WNT7A: variants seen among roughly 807,000 people sequenced by gnomAD.
WNT7A encodes the protein Wnt family member 7A.
A neutral mutation model predicts 28.2 loss-of-function variants in WNT7A; 16 were observed. That is an observed-to-expected ratio of 0.57 (90% confidence interval 0.38 to 0.86). The LOEUF (loss-of-function observed/expected upper bound fraction) is 0.86. WNT7A is among the 40% of genes least tolerant of loss of function. The pLI is 0.00. For missense variants in WNT7A, 411 were observed against 489.7 expected (o/e 0.84, Z 1.52); for synonymous variants, 190 against 195.9 (o/e 0.97, Z 0.25).
intron 2 of WNT7A, among the ~76,000 whole-genome samples, chr3:13,861,447 G>T (rs556585885): frequency 6.6e-6 from 1 of 152,374 alleles, no homozygotes; most frequent in African/African-American, 2.4e-5. Flanking sequence ...CAGATGAGGA[G>T]TTCAGACATG....
intron 3 of WNT7A, among the ~76,000 whole-genome samples, chr3:13,833,233 ACT>A (rs1274021637): frequency 6.6e-6 from 1 of 151,950 alleles, no homozygotes; most frequent in African/African-American, 2.4e-5. Context: ...CTGTGCGCAC[ACT>A]CACACACTCC....
At chr3:13,830,546 G>T (rs1189744828) in intron 3 of WNT7A, among the ~76,000 whole-genome samples, 2 of 152,180 alleles carry the variant, frequency 1.3e-5, no homozygotes, top group Admixed American at 1.3e-4. Flanking sequence ...AGGCTGAGCT[G>T]TGTCCCTCCT....
intron 3 of WNT7A, among the ~76,000 whole-genome samples, chr3:13,847,612 C>T (rs894595292): frequency 6.6e-6 from 1 of 152,180 alleles, no homozygotes; most frequent in Admixed American, 6.5e-5. Flanking sequence ...GGCTGAAAAA[C>T]GAAACCTGAC....
intron 2 of WNT7A, among the ~76,000 whole-genome samples, chr3:13,860,482 C>T (rs538378725): frequency 1.3e-5 from 2 of 152,212 alleles, no homozygotes; most frequent in Non-Finnish European, 2.9e-5. Flanking sequence ...CCATTCAAAT[C>T]GGATGGCTTG....
chr3:13,830,142 C>G (rs1393014331), intron 3 of WNT7A, among the ~76,000 whole-genome samples: 1 of 152,092 alleles, frequency 6.6e-6, no homozygotes. Flanking sequence ...GCTCAGACCC[C>G]AGCCACCCTC....
chr3:13,829,921 C>T (rs1236672746), intron 3 of WNT7A, among the ~76,000 whole-genome samples: 1 of 152,114 alleles, frequency 6.6e-6, no homozygotes, highest in Admixed American at 6.5e-5. Flanking sequence ...TTCTCCAACA[C>T]CCAGGTCAAC....
chr3:13,850,682 C>T (rs1017096363), intron 3 of WNT7A, among the ~76,000 whole-genome samples: 1 of 152,070 alleles, frequency 6.6e-6, no homozygotes, highest in African/African-American at 2.4e-5. Context: ...AGAGCCTCCA[C>T]CCTCCCCCAG....
chr3:13,819,357 T>C lies in WNT7A; in HGVS notation c.637A>G (p.Thr213Ala). The C allele has an allele frequency of 6.2e-7, 1 of 1,613,570 alleles. No individual in the cohort carries two copies. The highest frequency in any genetic ancestry group is 8.5e-7 in the Non-Finnish European group (1 of 1,179,748). The change falls in exon 4 of 4, where the codon ACG becomes GCG. Residue 213 changes from threonine to alanine, a missense_variant. Transcript: ENST00000285018. ...HGVSGSCTTKTCWTTLPQFRE... is the reference protein window; with the variant it reads ...HGVSGSCTTKACWTTLPQFRE... ...AACTGTGGCAGTGTGGTCCAGCACG[T>C]CTTGGTGGTGCACGAGCCTGACACG...
In WNT7A at chr3:13,866,916, G is replaced by A. The variant is rs114465500; in HGVS notation, c.298+8031C>T. On this transcript the variant is annotated intron_variant, in intron 2 of 3. Coordinates refer to ENST00000285018, the MANE Select transcript of WNT7A (RefSeq NM_004625.4). ...CAGGCAACAAGTATCTGAAGATGGC[G>A]GTTTGAATCAGGAGGTGGTGGTGAA... 4.2e-3 allele frequency among the ~76,000 whole-genome samples: 647 copies of A among 152,280 alleles called. 6 individuals are homozygous for A. Among genetic ancestry groups the A allele is most frequent in the African/African-American group, 0.015 (621 of 41,542 alleles).
At position 13,879,992 on chromosome 3, in the gene WNT7A, C is replaced by T; in HGVS notation, c.-176G>A. The T allele has an allele frequency of 2.4e-6, 1 of 417,050 alleles. No homozygotes were observed. The allele number at this position is 417,050 out of a possible 1,614,324, so 25.8% of individuals were successfully genotyped here. ...TGAGCCTCGCCAGGAGCACGGGAGC[C>T]ACGGAGCGGGAGGAGGGAGGGAGGA... On this transcript the variant is annotated 5_prime_UTR_variant, in exon 1 of 4. Transcript: ENST00000285018.
At chr3:13,847,465 C>G (rs557125022) in intron 3 of WNT7A, among the ~76,000 whole-genome samples, 1 of 152,294 alleles carries the variant, frequency 6.6e-6, no homozygotes, top group East Asian at 1.9e-4. Context: ...GGGTCTCAGT[C>G]TCTCATTGAT....
At chr3:13,862,862 G>C (rs763915967) in intron 2 of WNT7A, among the ~76,000 whole-genome samples, 1 of 152,218 alleles carries the variant, frequency 6.6e-6, no homozygotes, top group Non-Finnish European at 1.5e-5. Context: ...TGCACATGCT[G>C]TTCCCTCAGC....
At chr3:13,846,647 A>G (rs1694542192) in intron 3 of WNT7A, among the ~76,000 whole-genome samples, 1 of 152,082 alleles carries the variant, frequency 6.6e-6, no homozygotes, top group Admixed American at 6.6e-5. Context: ...TTTGATAGGG[A>G]CTGCATCCTG....
At chr3:13,820,928 G>C (rs1306702152) in intron 3 of WNT7A, among the ~76,000 whole-genome samples, 1 of 152,152 alleles carries the variant, frequency 6.6e-6, no homozygotes, top group African/African-American at 2.4e-5. Flanking sequence ...AGAACACCTG[G>C]CATCACAGAG....
intron 2 of WNT7A, among the ~76,000 whole-genome samples, chr3:13,864,199 G>T (rs1031747892): frequency 2.0e-5 from 3 of 152,160 alleles, no homozygotes; most frequent in Non-Finnish European, 4.4e-5. Context: ...TGTTCTGTGT[G>T]TGCAAAGAAT....
intron 3 of WNT7A, among the ~76,000 whole-genome samples, chr3:13,823,021 C>T (rs112992613): frequency 7.1e-4 from 108 of 152,336 alleles, no homozygotes; most frequent in African/African-American, 2.5e-3. Flanking sequence ...ATCCAGCCTG[C>T]TAGCCCTGCA....
chr3:13,852,319 C>A (rs1040184748), intron 3 of WNT7A, among the ~76,000 whole-genome samples: 1 of 152,186 alleles, frequency 6.6e-6, no homozygotes, highest in Non-Finnish European at 1.5e-5. Flanking sequence ...GGGTGATAAA[C>A]ACATCTGCGA....
intron 2 of WNT7A, among the ~76,000 whole-genome samples, chr3:13,858,615 G>C (rs1280548439): frequency 6.6e-6 from 1 of 152,170 alleles, no homozygotes; most frequent in African/African-American, 2.4e-5. Flanking sequence ...ACAGCCCAGA[G>C]TGAGGTCTCA....
chr3:13,875,171 C>T lies in WNT7A; in HGVS notation c.74G>A (p.Gly25Asp). Residue 25 changes from glycine (G) to aspartate (D), a missense_variant and splice_region_variant, in exon 2 of 4, where the codon GGC becomes GAC. By Grantham distance (94) the Gly-to-Asp change is moderately conservative. Coordinates refer to ENST00000285018, the MANE Select transcript of WNT7A (RefSeq NM_004625.4). ...GCCCAGAGCTACCACTGAGGAGAAGCCACTGGAGGGAGAGACACAGAGAGA... is the reference window on the plus strand; with the variant it reads ...GCCCAGAGCTACCACTGAGGAGAAGTCACTGGAGGGAGAGACACAGAGAGA... ...SLGMVYLRIG[G>D]FSSVVALGAS... is the part of the protein sequence containing the mutation. 2.5e-6 allele frequency: 4 copies of T among 1,613,998 alleles called. No individual in the cohort carries two copies. Among genetic ancestry groups the T allele is most frequent in the Non-Finnish European group, 3.4e-6 (4 of 1,180,016 alleles).
Sources: gnomAD v4.1 joint callset for allele counts (sites outside exome capture counted in the v4.1 genomes callset) on GRCh38, gnomAD v4.1.1 for gene constraint, MANE v1.5 for transcripts, NCBI Gene and HGNC (gene_info 2026-07-23, HGNC 2026-07-21) for gene names.